Variants in NBEA observed in about 807,000 individuals in gnomAD.
The protein encoded by NBEA is lysosomal-trafficking regulator 2.
NBEA carries 44 observed loss-of-function variants against 343.4 expected under a neutral mutation model. The ratio of observed to expected loss-of-function variants is 0.13; its 90% CI spans 0.10 to 0.16. The LOEUF is 0.16. NBEA is among the 10% of genes least tolerant of loss of function. The pLI is 1.00. For synonymous variants in NBEA, 1,175 were observed against 1,238.7 expected, an observed-to-expected ratio of 0.95 and a Z score of 1.08; for missense variants, 2,555 against 3,631.3, an observed-to-expected ratio of 0.70 and a Z score of 7.62.
chr13:35,091,523 ATTGT>A (rs1158794229), intron 10 of NBEA, among the ~76,000 whole-genome samples: 5 of 151,996 alleles, frequency 3.3e-5, no homozygotes, highest in Non-Finnish European at 7.4e-5. Context: ...AGATGACATG[ATTGT>A]CTATGTAAAA....
At chr13:35,300,150 T>A (rs1274085999) in intron 35 of NBEA, among the ~76,000 whole-genome samples, 1 of 152,188 alleles carries the variant, frequency 6.6e-6, no homozygotes, top group Admixed American at 6.5e-5. Context: ...CATAGTAATA[T>A]GCACTTAAGA....
At chr13:35,297,767 T>C (rs1412720459) in intron 35 of NBEA, among the ~76,000 whole-genome samples, 1 of 151,976 alleles carries the variant, frequency 6.6e-6, no homozygotes, top group Non-Finnish European at 1.5e-5. Context: ...ATTAATGACA[T>C]TTTGAGTTAT....
At chr13:35,264,343 C>G (rs978596895) in intron 34 of NBEA, among the ~76,000 whole-genome samples, 2 of 151,836 alleles carry the variant, frequency 1.3e-5, no homozygotes, top group African/African-American at 4.8e-5. Flanking sequence ...AGTGTTTATA[C>G]TCATCTCAAA....
chr13:35,300,672 A>G (rs1566586986), intron 35 of NBEA, among the ~76,000 whole-genome samples: 2 of 152,220 alleles, frequency 1.3e-5, no homozygotes, highest in Non-Finnish European at 2.9e-5. Flanking sequence ...GGCGATAGAA[A>G]TAGAAATTTT....
At chr13:35,631,260 A>G (rs1487833621) in intron 49 of NBEA, among the ~76,000 whole-genome samples, 1 of 152,140 alleles carries the variant, frequency 6.6e-6, no homozygotes, top group Non-Finnish European at 1.5e-5. Context: ...TACAACCCCT[A>G]TGAGTAGACC....
chr13:35,324,315 T>C (rs1002521733), intron 36 of NBEA, among the ~76,000 whole-genome samples: 4 of 152,216 alleles, frequency 2.6e-5, no homozygotes, highest in African/African-American at 7.2e-5. Flanking sequence ...TTGAGTTACA[T>C]GGACTGATTA....
At chr13:35,034,135 A>T (rs2062349358) in intron 1 of NBEA, among the ~76,000 whole-genome samples, 1 of 151,888 alleles carries the variant, frequency 6.6e-6, no homozygotes, top group Non-Finnish European at 1.5e-5. Flanking sequence ...TCAGTATGAT[A>T]CTAGCTGTGG....
chr13:35,373,875 C>CT (rs2041591583), intron 38 of NBEA, among the ~76,000 whole-genome samples: 1 of 151,700 alleles, frequency 6.6e-6, no homozygotes, highest in Admixed American at 6.6e-5. Flanking sequence ...TCTCAGGGGT[C>CT]TTTTTTGCAG....
At chr13:34,991,186 C>A (rs1348184756) in intron 1 of NBEA, among the ~76,000 whole-genome samples, 1 of 152,184 alleles carries the variant, frequency 6.6e-6, no homozygotes, top group Non-Finnish European at 1.5e-5. Flanking sequence ...CTGCCCATTA[C>A]CCAGTTACAA....
intron 45 of NBEA, among the ~76,000 whole-genome samples, chr13:35,580,402 C>A (rs1369184983): frequency 6.6e-6 from 1 of 152,048 alleles, no homozygotes; most frequent in Admixed American, 6.5e-5. Flanking sequence ...TTAAGTGTAG[C>A]CTTACCTTTT....
chr13:35,182,336 A>G (rs1406493748), intron 28 of NBEA, 24 bp from the exon 29 acceptor site: 3 of 1,584,836 alleles, frequency 1.9e-6, no homozygotes, highest in Non-Finnish European at 2.6e-6. Flanking sequence ...TTGAGTGTTA[A>G]AACTGTCTTT....
chr13:35,148,793 GGGCT>G (rs2068594684), intron 18 of NBEA, among the ~76,000 whole-genome samples: 1 of 152,030 alleles, frequency 6.6e-6, no homozygotes, highest in Non-Finnish European at 1.5e-5. Flanking sequence ...CAGGCTTTGT[GGGCT>G]ATACAGTATC....
intron 40 of NBEA, among the ~76,000 whole-genome samples, chr13:35,465,010 A>T (rs927662163): frequency 6.6e-6 from 1 of 152,204 alleles, no homozygotes; most frequent in African/African-American, 2.4e-5. Context: ...CGATAGTCAT[A>T]AAATTATGCC....
At chr13:35,423,175 G>A (rs560442500) in intron 38 of NBEA, among the ~76,000 whole-genome samples, 1 of 152,174 alleles carries the variant, frequency 6.6e-6, no homozygotes, top group South Asian at 2.1e-4. Context: ...TGTCAATTTT[G>A]GCTTTTGTTG....
chr13:35,250,729 G>A (rs928975032), intron 34 of NBEA, among the ~76,000 whole-genome samples: 11 of 152,132 alleles, frequency 7.2e-5, no homozygotes, highest in African/African-American at 2.4e-4. Flanking sequence ...ATTAAAAACA[G>A]TGACTTTACC....
intron 55 of NBEA, among the ~76,000 whole-genome samples, chr13:35,660,838 A>G (rs572833072): frequency 1.3e-5 from 2 of 152,254 alleles, no homozygotes; most frequent in African/African-American, 4.8e-5. Context: ...TTCTCGGAGC[A>G]AAGAATCTTA....
intron 38 of NBEA, among the ~76,000 whole-genome samples, chr13:35,360,512 GGACA>G (rs1257652284): frequency 1.3e-5 from 2 of 152,090 alleles, no homozygotes; most frequent in African/African-American, 4.8e-5. Flanking sequence ...CGTTTCTCAA[GGACA>G]GACAGTTAAC....
chr13:35,060,319 A>C (rs1240206009), intron 8 of NBEA, among the ~76,000 whole-genome samples: 1 of 151,890 alleles, frequency 6.6e-6, no homozygotes, highest in Non-Finnish European at 1.5e-5. Flanking sequence ...TTCTATTCAC[A>C]AAGAAACAAA....
intron 11 of NBEA, among the ~76,000 whole-genome samples, 153 bp downstream of exon 11, chr13:35,098,558 A>C (rs1025106817): frequency 1.6e-4 from 24 of 152,224 alleles, no homozygotes; most frequent in African/African-American, 4.8e-4. Flanking sequence ...AAGTGTAGAC[A>C]TGGAATTAAC....
Sources: gnomAD v4.1 joint callset for allele counts (sites outside exome capture counted in the v4.1 genomes callset) on GRCh38, gnomAD v4.1.1 for gene constraint, MANE v1.5 for transcripts, NCBI Gene and HGNC (gene_info 2026-07-23, HGNC 2026-07-21) for gene names.